The following UBE3D variants were observed in gnomAD, a reference collection of about 807,000 sequenced individuals.
UBE3D encodes E3 ubiquitin-protein ligase E3D.
In UBE3D, 48 loss-of-function variants were observed where a neutral mutation model predicts 49.6. The ratio of observed to expected loss-of-function variants is 0.97; its 90% CI spans 0.77 to 1.23. UBE3D has a LOEUF of 1.23. Among genes scored for constraint, UBE3D ranks in the 50% most tolerant of loss-of-function variants. The pLI is 0.00. For synonymous variants in UBE3D, 189 were observed against 174.2 expected (o/e 1.08, Z -0.67); for missense variants, 452 against 468.4 (o/e 0.96, Z 0.32).
intron 5 of UBE3D, among the ~76,000 whole-genome samples, chr6:83,029,075 T>A (rs893065258): frequency 3.3e-5 from 5 of 152,248 alleles, no homozygotes; most frequent in Non-Finnish European, 7.3e-5. Flanking sequence ...GACGACAACA[T>A]GCCTGAGTGA....
chr6:82,917,930 C>T (rs117230926), intron 9 of UBE3D, among the ~76,000 whole-genome samples: 3 of 152,138 alleles, frequency 2.0e-5, no homozygotes, highest in Non-Finnish European at 2.9e-5. Flanking sequence ...GTTTTCCAGC[C>T]GGACCAGCCT....
intron 3 of UBE3D, among the ~76,000 whole-genome samples, chr6:83,051,704 C>G (rs2127836611): frequency 6.6e-6 from 1 of 152,294 alleles, no homozygotes; most frequent in African/African-American, 2.4e-5. Flanking sequence ...ATAAAGTGGG[C>G]CTGTCACCGA....
At chr6:83,001,883 C>T (rs987034136) in intron 8 of UBE3D, among the ~76,000 whole-genome samples, 3 of 152,130 alleles carry the variant, frequency 2.0e-5, no homozygotes, top group African/African-American at 4.8e-5. Context: ...TCTGGTGAAA[C>T]GCGTATCACA....
intron 8 of UBE3D, among the ~76,000 whole-genome samples, chr6:83,014,147 A>G (rs1780534368): frequency 6.6e-6 from 1 of 152,206 alleles, no homozygotes; most frequent in African/African-American, 2.4e-5. Context: ...TGGAGTCACC[A>G]CTTTGTTAAA....
At chr6:82,973,980 C>A (rs945638761) in intron 8 of UBE3D, among the ~76,000 whole-genome samples, 2 of 152,182 alleles carry the variant, frequency 1.3e-5, no homozygotes, top group African/African-American at 4.8e-5. Context: ...CCATCACCCC[C>A]AGATGGGACT....
chr6:82,892,158 T>C (rs159040), downstream of UBE3D, among the ~76,000 whole-genome samples: 74,449 of 151,960 alleles, frequency 0.49, 20,754 homozygotes, highest in African/African-American at 0.76. Flanking sequence ...GATCCTGGAG[T>C]AGGAAAGGAG....
chr6:82,961,953 A>G (rs1480566642), intron 8 of UBE3D, among the ~76,000 whole-genome samples: 4 of 106,448 alleles, frequency 3.8e-5, no homozygotes, highest in Non-Finnish European at 6.3e-5. Flanking sequence ...CAATAAAACA[A>G]AAAAAAAAAC....
chr6:82,895,424 C>T (rs1390503455), intron 9 of UBE3D, among the ~76,000 whole-genome samples: 4 of 152,106 alleles, frequency 2.6e-5, no homozygotes, highest in African/African-American at 9.7e-5. Context: ...GAGACATTTT[C>T]GGTTGTCAAC....
intron 8 of UBE3D, among the ~76,000 whole-genome samples, chr6:83,001,080 G>A (rs542244188): frequency 6.6e-6 from 1 of 152,250 alleles, no homozygotes; most frequent in East Asian, 1.9e-4. Flanking sequence ...CCTACCTCAG[G>A]TGATCTGCCA....
At chr6:83,001,310 T>C in intron 8 of UBE3D, among the ~76,000 whole-genome samples, 1 of 152,224 alleles carries the variant, frequency 6.6e-6, no homozygotes, top group East Asian at 1.9e-4. Flanking sequence ...AGGTCTCTTT[T>C]AGCTCAATAT....
chr6:82,914,249 C>G (rs761100118), intron 9 of UBE3D, among the ~76,000 whole-genome samples: 3 of 152,114 alleles, frequency 2.0e-5, no homozygotes, highest in Non-Finnish European at 4.4e-5. Flanking sequence ...GGGCTTAGGT[C>G]TGAGGAATTT....
intron 5 of UBE3D, among the ~76,000 whole-genome samples, chr6:83,026,546 A>T (rs1394223555): frequency 1.3e-5 from 2 of 152,162 alleles, no homozygotes; most frequent in African/African-American, 4.8e-5. Context: ...AGGTAAAAAA[A>T]ATAAATGGTT....
intron 8 of UBE3D, among the ~76,000 whole-genome samples, chr6:82,997,521 C>T (rs572688852): frequency 3.9e-4 from 60 of 152,182 alleles, no homozygotes; most frequent in African/African-American, 1.2e-3. Context: ...AGATCGAGAC[C>T]GGCCTGGCTA....
intron 8 of UBE3D, among the ~76,000 whole-genome samples, chr6:83,010,235 A>AT (rs1306215942): frequency 2.6e-5 from 4 of 152,180 alleles, no homozygotes; most frequent in African/African-American, 9.6e-5. Flanking sequence ...TAAAAAAGTT[A>AT]TTTTTTGCTT....
intron 9 of UBE3D, among the ~76,000 whole-genome samples, chr6:82,908,443 T>A (rs1224071314): frequency 1.3e-5 from 2 of 152,184 alleles, no homozygotes; most frequent in Non-Finnish European, 2.9e-5. Context: ...GGGTACAATG[T>A]ACACTATTTG....
intron 9 of UBE3D, among the ~76,000 whole-genome samples, chr6:82,906,712 C>T (rs1772128287): frequency 6.6e-6 from 1 of 152,158 alleles, no homozygotes; most frequent in South Asian, 2.1e-4. Context: ...ACAAGCCACT[C>T]CCCTTCTGCA....
intron 1 of UBE3D, among the ~76,000 whole-genome samples, chr6:83,059,915 A>G (rs375308436): frequency 4.7e-4 from 71 of 152,298 alleles, no homozygotes; most frequent in African/African-American, 1.2e-3. Flanking sequence ...ACAGGAGGTG[A>G]GGCCAGCTCA....
intron 5 of UBE3D, among the ~76,000 whole-genome samples, chr6:83,027,740 TTTTTA>T (rs1781582891): frequency 6.6e-6 from 1 of 152,206 alleles, no homozygotes; most frequent in African/African-American, 2.4e-5. Context: ...TATGGATTTC[TTTTTA>T]TTTTTCTTGC....
intron 9 of UBE3D, among the ~76,000 whole-genome samples, chr6:82,929,868 C>T (rs62430479): frequency 0.14 from 20,782 of 152,128 alleles, 1,453 homozygotes; most frequent in South Asian, 0.16. Context: ...ACATTTATTA[C>T]AACTGATGAG....
Sources: gnomAD v4.1 joint callset for allele counts (sites outside exome capture counted in the v4.1 genomes callset) on GRCh38, gnomAD v4.1.1 for gene constraint, MANE v1.5 for transcripts, NCBI Gene and HGNC (gene_info 2026-07-23, HGNC 2026-07-21) for gene names.